The following NBN variants were observed in gnomAD, a reference collection of about 807,000 sequenced individuals.
The protein encoded by NBN is Nijmegen breakage syndrome 1 (nibrin).
A neutral mutation model predicts 90.8 loss-of-function variants in NBN; 88 were observed. That is an observed-to-expected ratio of 0.97 (90% confidence interval 0.82 to 1.16). The LOEUF (loss-of-function observed/expected upper bound fraction) is 1.16, where lower values mean the gene tolerates loss of function less well. Among genes scored for constraint, NBN ranks in the 50% most tolerant of loss-of-function variants. The probability of loss-of-function intolerance (pLI) is 0.00; values close to 1 mark genes in which losing one functional copy is unlikely to be tolerated. For missense variants in NBN, 894 were observed against 869.6 expected (o/e 1.03, Z -0.35); for synonymous variants, 328 against 295.1 (o/e 1.11, Z -1.14).
chr8:89,953,608 T>G lies in NBN; in HGVS notation c.1481A>C (p.Gln494Pro), dbSNP rs1381248118. The G allele has an allele frequency of 6.2e-7, 1 of 1,613,490 alleles. No individual in the cohort carries two copies. The highest frequency in any genetic ancestry group is 1.3e-5 in the African/African-American group (1 of 74,918). The change falls in exon 11 of 16, where the codon CAA (glutamine) becomes CCA (proline). Residue 494 changes from glutamine (Q) to proline (P), a missense_variant. Transcript: ENST00000265433. ...ETSCSLLEQTQPATPSLWKNK... is the reference protein window; with the variant it reads ...ETSCSLLEQTPPATPSLWKNK... ...TTTCCACAATGAGGGTGTAGCAGGT[T>G]GTGTTTGTTCTAAAAGAGAACAAGA...
intron 5 of NBN, among the ~76,000 whole-genome samples, chr8:89,972,154 A>G (rs1157548092): frequency 6.6e-6 from 1 of 152,208 alleles, no homozygotes; most frequent in Non-Finnish European, 1.5e-5. Flanking sequence ...TGGTAAAAAC[A>G]CTGCAGTCAT....
At chr8:89,966,315 T>C (rs1486105309) in intron 7 of NBN, among the ~76,000 whole-genome samples, 1 of 152,140 alleles carries the variant, frequency 6.6e-6, no homozygotes, top group South Asian at 2.1e-4. Flanking sequence ...GAAAAGACTA[T>C]AGATAAATTA....
At chr8:89,948,978 T>G (rs906333516) in intron 11 of NBN, among the ~76,000 whole-genome samples, 4 of 152,342 alleles carry the variant, frequency 2.6e-5, no homozygotes, top group African/African-American at 9.6e-5. Flanking sequence ...AATATAAGCT[T>G]GGAAATTATC....
Position 89,935,093 on chromosome 8 carries a change from A to G in NBN, c.*489T>C, listed in dbSNP as rs13312980. ...TTAAAAACATTATATTGATATTCCT[A>G]TAATTTTTAATCTACTAAGTAAAAA... is the stretch of plus-strand genomic sequence containing the variant. On this transcript the variant is annotated 3_prime_UTR_variant, in exon 16 of 16. Transcript: ENST00000265433. 1.6e-3 allele frequency: 376 copies of G among 234,146 alleles called. No homozygotes were observed. The highest frequency in any genetic ancestry group is 7.5e-3 in the African/African-American group (339 of 45,462). The allele number at this position is 234,146 out of a possible 1,614,324, so 14.5% of individuals were successfully genotyped here.
chr8:89,966,950 A>G (rs1277606628), intron 7 of NBN, among the ~76,000 whole-genome samples: 1 of 152,256 alleles, frequency 6.6e-6, no homozygotes. Flanking sequence ...TCAAAATACT[A>G]GTAAAAAACA....
At chr8:89,937,110 A>G in intron 14 of NBN, 35 bp from the exon 15 acceptor site, 1 of 1,595,650 alleles carries the variant, frequency 6.3e-7, no homozygotes, top group Non-Finnish European at 8.6e-7. Flanking sequence ...ACATTTGCTC[A>G]GTGGTGAATA....
chr8:89,981,411 T>C lies in NBN; in HGVS notation c.284A>G (p.Asp95Gly), dbSNP rs545276922. 5.0e-5 allele frequency: 80 copies of C among 1,613,910 alleles called. No homozygotes were observed. The highest frequency in any genetic ancestry group is 6.6e-5 in the Non-Finnish European group (78 of 1,179,972). Reference sequence around the variant, plus strand: ...TCCAAACACTCCAAAAGTAATACCATCCCCCGACTTCAAAGTTCGGGAAAA... The same window carrying C: ...TCCAAACACTCCAAAAGTAATACCACCCCCCGACTTCAAAGTTCGGGAAAA... ...NGFSRTLKSG[D>G]GITFGVFGSK... Residue 95 changes from aspartate to glycine, a missense_variant, in exon 3 of 16, where the codon GAT becomes GGT. Asp to Gly is a moderately conservative substitution (Grantham distance 94, BLOSUM62 -1). Transcript: ENST00000265433.
In NBN at chr8:89,946,237, T is replaced by C. The variant is rs587782155; in HGVS notation, c.1973A>G (p.Glu658Gly). 5.9e-5 allele frequency: 94 copies of C among 1,588,374 alleles called. No individual in the cohort carries two copies. Among genetic ancestry groups the C allele is most frequent in the Non-Finnish European group, 8.0e-5 (92 of 1,157,004 alleles). ...EMLPKKLLLT[E>G]FRSLVIKNST... ...GTTTTTAATCACCAGTGATCTAAAT[T>C]CAGTCAATAACAGCTTTTTTGGAAG... The change falls in exon 13 of 16, where the codon GAA becomes GGA. Residue 658 changes from glutamate (E) to glycine (G), a missense_variant. By Grantham distance (98) the Glu-to-Gly change is moderately conservative. Transcript: ENST00000265433.
chr8:89,971,327 T>G, intron 5 of NBN, 37 bp from the exon 6 acceptor site: 1 of 1,568,554 alleles, frequency 6.4e-7, no homozygotes, highest in East Asian at 2.4e-5. Flanking sequence ...AATTATATAC[T>G]ACTATGTTTG....
Position 89,953,273 on chromosome 8 carries a change from C to T in NBN, c.1816G>A (p.Glu606Lys), listed in dbSNP as rs774324419. 5 of 1,612,516 alleles carry T rather than the reference C, an allele frequency of 3.1e-6. No individual in the cohort carries two copies. Among genetic ancestry groups the T allele is most frequent in the Admixed American group, 3.3e-5 (2 of 60,016 alleles). Residue 606 changes from glutamate (E) to lysine (K), a missense_variant, in exon 11 of 16, where the codon GAA becomes AAA. Glu to Lys is a moderately conservative substitution (Grantham distance 56). Transcript: ENST00000265433. ...ATTTTGCTACTTTCTGGTACTGCTTCATCACTGAAAGTGTCATTTGTTTCT... is the reference window on the plus strand; with the variant it reads ...ATTTTGCTACTTTCTGGTACTGCTTTATCACTGAAAGTGTCATTTGTTTCT... ...DIETNDTFSD[E>K]AVPESSKISQ...
chr8:89,981,922 A>T (rs1370974521), intron 2 of NBN: 12 of 1,053,964 alleles, frequency 1.1e-5, no homozygotes, highest in Non-Finnish European at 1.5e-5. Context: ...CCATGAGAAT[A>T]CGAGGTTATA....
intron 5 of NBN, among the ~76,000 whole-genome samples, chr8:89,973,158 CTTT>C (rs1324222170): frequency 6.6e-6 from 1 of 152,168 alleles, no homozygotes; most frequent in Non-Finnish European, 1.5e-5. Flanking sequence ...GAAACTGTAA[CTTT>C]TTTTGGCTCA....
Position 89,971,254 on chromosome 8 carries a change from A to C in NBN, c.621T>G (p.Ser207Arg). 6.2e-7 allele frequency: 1 copy of C among 1,613,218 alleles called. No homozygotes were observed. Among genetic ancestry groups the C allele is most frequent in the Non-Finnish European group, 8.5e-7 (1 of 1,179,486 alleles). Residue 207 changes from serine to arginine, a missense_variant, in exon 6 of 16, where the codon AGT (serine) becomes AGG (arginine). Ser to Arg is a moderately radical substitution (Grantham distance 110, BLOSUM62 -1). Coordinates refer to ENST00000265433, the MANE Select transcript of NBN (RefSeq NM_002485.5). ...GCCGTCCTGACAGATCAACATTTTTACTTCCAATAGATGGTTCATCAAGAG... is the reference window on the plus strand; with the variant it reads ...GCCGTCCTGACAGATCAACATTTTTCCTTCCAATAGATGGTTCATCAAGAG... Reference protein sequence around the residue: ...YPPLDEPSIGSKNVDLSGRQE... With the variant: ...YPPLDEPSIGRKNVDLSGRQE...
intron 11 of NBN, among the ~76,000 whole-genome samples, chr8:89,951,164 T>C (rs904036978): frequency 1.3e-5 from 2 of 151,782 alleles, no homozygotes; most frequent in Non-Finnish European, 2.9e-5. Flanking sequence ...TACAAAAAAT[T>C]AGCCAGGCGT....
chr8:89,946,872 G>A (rs1289233814), intron 12 of NBN, among the ~76,000 whole-genome samples: 2 of 152,038 alleles, frequency 1.3e-5, no homozygotes, highest in African/African-American at 2.4e-5. Flanking sequence ...AGTCCTTCCT[G>A]TTATCTTTCA....
chr8:89,977,286 G>C (rs889194178), intron 5 of NBN, among the ~76,000 whole-genome samples: 1 of 149,858 alleles, frequency 6.7e-6, no homozygotes, highest in Non-Finnish European at 1.5e-5. Flanking sequence ...TGTTCTCATT[G>C]TTCCACTCCC....
intron 14 of NBN, among the ~76,000 whole-genome samples, chr8:89,937,883 G>A (rs1809765630): frequency 6.6e-6 from 1 of 152,138 alleles, no homozygotes; most frequent in African/African-American, 2.4e-5. Context: ...AATATCCTGT[G>A]ACCCTCTATC....
chr8:89,975,998 G>C (rs1449833184), intron 5 of NBN, among the ~76,000 whole-genome samples: 1 of 152,134 alleles, frequency 6.6e-6, no homozygotes, highest in African/African-American at 2.4e-5. Flanking sequence ...CTTGAGGTGA[G>C]ATCAGTGCTT....
intron 8 of NBN, among the ~76,000 whole-genome samples, chr8:89,961,664 CTA>C (rs928394616): frequency 5.3e-5 from 8 of 152,236 alleles, no homozygotes; most frequent in African/African-American, 1.2e-4. Flanking sequence ...TGTAGAGAAA[CTA>C]TGTAAAAAAG....
Sources: allele counts gnomAD v4.1 joint callset (sites outside exome capture counted in the v4.1 genomes callset), GRCh38; gene constraint gnomAD v4.1.1; transcripts MANE v1.5; gene names NCBI Gene and HGNC (gene_info 2026-07-23, HGNC 2026-07-21).